The following IRF2 variants were observed in gnomAD, a reference collection of about 807,000 sequenced individuals.
IRF2 encodes interferon regulatory factor 2.
In IRF2, 15 loss-of-function variants were observed where a neutral mutation model predicts 40.6. That is an observed-to-expected ratio of 0.37 (90% CI 0.25 to 0.57). The LOEUF is 0.57. Among genes scored for constraint, IRF2 ranks in the 20% least tolerant of loss-of-function variants. The probability of loss-of-function intolerance (pLI) is 0.77; values close to 1 mark genes in which losing one functional copy is unlikely to be tolerated. For missense variants in IRF2, 317 were observed against 455.7 expected, an observed-to-expected ratio of 0.70 and a Z score of 2.77; for synonymous variants, 151 against 165.5, an observed-to-expected ratio of 0.91 and a Z score of 0.67.
intron 1 of IRF2, among the ~76,000 whole-genome samples, chr4:184,445,209 C>G (rs758225464): frequency 1.3e-5 from 2 of 152,212 alleles, no homozygotes; most frequent in African/African-American, 2.4e-5. Flanking sequence ...GGGTGTGCCC[C>G]AACCCCGGGT....
chr4:184,455,534 C>T (rs1467927911), intron 1 of IRF2, among the ~76,000 whole-genome samples: 1 of 151,782 alleles, frequency 6.6e-6, no homozygotes, highest in Admixed American at 6.6e-5. Context: ...AGGAGGAGTC[C>T]CATCTCACTC....
chr4:184,446,964 C>CA (rs1042529026), intron 1 of IRF2, among the ~76,000 whole-genome samples: 1 of 151,702 alleles, frequency 6.6e-6, no homozygotes, highest in Non-Finnish European at 1.5e-5. Context: ...TCAAAAAAAA[C>CA]AAAAAAAGCA....
chr4:184,393,688 G>A (rs374859773), intron 7 of IRF2, among the ~76,000 whole-genome samples: 9 of 152,308 alleles, frequency 5.9e-5, no homozygotes, highest in Admixed American at 1.3e-4. Flanking sequence ...AAAGAGCGTC[G>A]TGTCTAGATT....
intron 1 of IRF2, among the ~76,000 whole-genome samples, chr4:184,472,809 C>T (rs1739560617): frequency 6.6e-6 from 1 of 152,204 alleles, no homozygotes; most frequent in Admixed American, 6.5e-5. Flanking sequence ...GCCAAGGGTC[C>T]GGCCTACACA....
At chr4:184,437,993 T>C (rs969012176) in intron 1 of IRF2, among the ~76,000 whole-genome samples, 3 of 152,196 alleles carry the variant, frequency 2.0e-5, no homozygotes, top group African/African-American at 7.2e-5. Flanking sequence ...TCAGCAAAAG[T>C]AAGAATTTCC....
chr4:184,452,111 T>A lies in IRF2; in HGVS notation c.-7+22268A>T, dbSNP rs1738733583. 2.0e-5 allele frequency among the ~76,000 whole-genome samples: 3 copies of A among 152,124 alleles called. No homozygotes were observed. In the South Asian group the frequency reaches 6.2e-4, roughly 31 times the overall value. On this transcript the variant is annotated intron_variant, in intron 1 of 8. Transcript: ENST00000393593. ...CCTTCACACCTCTATTTGGAGACCC[T>A]CCTCAGGTGATGTAGGGACCCAGGC... is the stretch of plus-strand genomic sequence containing the variant.
intron 7 of IRF2, among the ~76,000 whole-genome samples, chr4:184,392,919 G>A (rs1201032520): frequency 1.3e-5 from 2 of 152,112 alleles, no homozygotes; most frequent in African/African-American, 4.8e-5. Context: ...AACACCCCGT[G>A]CTGGGAGCCA....
chr4:184,430,815 C>T (rs1357746842), intron 1 of IRF2, among the ~76,000 whole-genome samples: 1 of 152,144 alleles, frequency 6.6e-6, no homozygotes, highest in Non-Finnish European at 1.5e-5. Context: ...CCCACCTCAG[C>T]CTCCCAGTAG....
At chr4:184,454,086 C>T (rs1738825850) in intron 1 of IRF2, among the ~76,000 whole-genome samples, 2 of 152,266 alleles carry the variant, frequency 1.3e-5, no homozygotes, top group South Asian at 4.1e-4. Context: ...CTGAAAATAA[C>T]CTGTTCTGAA....
At chr4:184,447,964 T>C (rs1416260445) in intron 1 of IRF2, among the ~76,000 whole-genome samples, 1 of 152,238 alleles carries the variant, frequency 6.6e-6, no homozygotes. Context: ...CGGTGCTAGT[T>C]TCCTGATTCT....
intron 1 of IRF2, among the ~76,000 whole-genome samples, chr4:184,442,015 G>C (rs1179602306): frequency 6.6e-6 from 1 of 152,122 alleles, no homozygotes; most frequent in Non-Finnish European, 1.5e-5. Flanking sequence ...GTCTGACCTG[G>C]CATCTGCACT....
chr4:184,419,582 AAAAAAAAAAGGTAAAG>A lies in IRF2; in HGVS notation c.88-30_88-15del, dbSNP rs911661741. The A allele has an allele frequency of 1.9e-6, 3 of 1,569,816 alleles. No individual in the cohort carries two copies. In the African/African-American group the frequency reaches 4.1e-5, roughly 22 times the overall value. ...AATCTTCTTTTCCTGAAAAAAAAAAAAAAAAAAAAGGTAAAGAACTGGAGTCATGGGTTTTGGCCCA... is the reference window on the plus strand; with the variant it reads ...AATCTTCTTTTCCTGAAAAAAAAAAAAACTGGAGTCATGGGTTTTGGCCCA... On this transcript the variant is annotated splice_polypyrimidine_tract_variant and intron_variant, in intron 2 of 8. Transcript: ENST00000393593.
rs1001787796 is a variant in IRF2 at position 184,448,197 on chromosome 4, C to T, written c.-6-19127G>A. ...CCAAGTAGGTAAGTAATTTCCAGTA[C>T]AGAGGGAAAGACGACGACAGCCTTT... is the stretch of plus-strand genomic sequence containing the variant. On this transcript the variant is annotated intron_variant, in intron 1 of 8. Transcript: ENST00000393593. The surrounding 1 kb of genome is among the most constrained non-coding windows in gnomAD (Gnocchi z 4.3). 6.6e-6 allele frequency among the ~76,000 whole-genome samples: 1 copy of T among 152,194 alleles called. No homozygotes were observed. Among genetic ancestry groups the T allele is most frequent in the African/African-American group, 2.4e-5 (1 of 41,432 alleles).
intron 1 of IRF2, among the ~76,000 whole-genome samples, chr4:184,464,493 G>T (rs1428067344): frequency 6.6e-6 from 1 of 152,136 alleles, no homozygotes; most frequent in Non-Finnish European, 1.5e-5. Flanking sequence ...TGAAGATAGG[G>T]ACTATACAGG....
In IRF2 at chr4:184,418,512, T is replaced by C. The variant is rs1415552926; in HGVS notation, c.364+20A>G. The C allele has an allele frequency of 5.0e-6, 8 of 1,608,454 alleles. No individual in the cohort carries two copies. Among genetic ancestry groups the C allele is most frequent in the Non-Finnish European group, 6.0e-6 (7 of 1,174,992 alleles). ...TGACACAAATTGATTTACCTTATTT[T>C]AGTCTGTAAATGCCTTTACCTTTCT... On this transcript the variant is annotated intron_variant, in intron 4 of 8. Transcript: ENST00000393593.
intron 1 of IRF2, among the ~76,000 whole-genome samples, chr4:184,436,301 TC>T (rs1738076828): frequency 6.6e-6 from 1 of 152,184 alleles, no homozygotes; most frequent in Non-Finnish European, 1.5e-5. Context: ...TATTACCCAG[TC>T]ACCCAATGGA....
intron 5 of IRF2, among the ~76,000 whole-genome samples, chr4:184,411,510 A>G (rs1194057731): frequency 2.0e-5 from 3 of 152,168 alleles, no homozygotes; most frequent in Non-Finnish European, 4.4e-5. Flanking sequence ...TTTCAGAGCC[A>G]TCAGTGCCAA....
chr4:184,407,088 A>G, intron 6 of IRF2: 2 of 698,706 alleles, frequency 2.9e-6, no homozygotes. Context: ...GTTATAGAGC[A>G]CTGCCGAGAC....
chr4:184,447,684 G>C (rs9684671), intron 1 of IRF2, among the ~76,000 whole-genome samples: 50,464 of 152,192 alleles, frequency 0.33, 10,218 homozygotes, highest in Admixed American at 0.45. Flanking sequence ...CACCTGTAAG[G>C]ATGCAAGAAG....
Sources: allele counts gnomAD v4.1 joint callset (sites outside exome capture counted in the v4.1 genomes callset), GRCh38; gene constraint gnomAD v4.1.1; non-coding constraint Gnocchi (gnomAD v3.1); transcripts MANE v1.5; gene names NCBI Gene and HGNC (gene_info 2026-07-23, HGNC 2026-07-21).